Variants in CPB1 observed in about 807,000 individuals in gnomAD.
The protein encoded by CPB1 is carboxypeptidase B.
Under a neutral mutation model 51.4 loss-of-function variants are expected in CPB1, and 53 were observed. That is an observed-to-expected ratio of 1.03 (90% confidence interval 0.83 to 1.30). CPB1 has a LOEUF of 1.30. CPB1 is among the 50% of genes most tolerant of loss of function. CPB1 has a pLI of 0.00. For synonymous variants in CPB1, 189 were observed against 186.9 expected, an observed-to-expected ratio of 1.01 and a Z score of -0.09; for missense variants, 494 against 516.2, an observed-to-expected ratio of 0.96 and a Z score of 0.42.
intron 8 of CPB1, among the ~76,000 whole-genome samples, chr3:148,844,972 A>T (rs1050578968): frequency 2.6e-5 from 4 of 152,074 alleles, no homozygotes; most frequent in African/African-American, 4.8e-5. Flanking sequence ...GCTGTGCTAG[A>T]TGCTGAAAAT....
intron 3 of CPB1, chr3:148,838,043 T>C (rs1040523797): frequency 6.6e-6 from 1 of 152,198 alleles, no homozygotes; most frequent in Admixed American, 6.6e-5. Flanking sequence ...GGTCAGGAGA[T>C]CGAGACCATC....
rs116562121 is a variant in CPB1, at chr3:148,843,331, A to T, written c.577-1147A>T. On this transcript the variant is annotated intron_variant, in intron 6 of 10. Transcript: ENST00000282957. ...TCTTCTGTACGTCTAAAATTATTTCAAATTTAAAAGTTGAAAACATTGAAG... is the reference window on the plus strand; with the variant it reads ...TCTTCTGTACGTCTAAAATTATTTCTAATTTAAAAGTTGAAAACATTGAAG... Among the ~76,000 whole-genome samples, 929 of 152,174 alleles carry T rather than the reference A, an allele frequency of 6.1e-3. 13 individuals carry two copies. The highest frequency in any genetic ancestry group is 0.021 in the African/African-American group (879 of 41,542).
intron 2 of CPB1, among the ~76,000 whole-genome samples, chr3:148,832,950 CAT>C (rs1712784804): frequency 6.6e-6 from 1 of 152,172 alleles, no homozygotes; most frequent in South Asian, 2.1e-4. Flanking sequence ...ATAATAAAGA[CAT>C]ATCTCTCTCT....
At chr3:148,842,891 T>C (rs1713127809) in intron 6 of CPB1, among the ~76,000 whole-genome samples, 1 of 152,208 alleles carries the variant, frequency 6.6e-6, no homozygotes. Flanking sequence ...AAAAGACATA[T>C]CACCTTTGTG....
intron 10 of CPB1, among the ~76,000 whole-genome samples, chr3:148,858,368 C>G (rs1338349285): frequency 1.3e-5 from 2 of 151,938 alleles, no homozygotes; most frequent in African/African-American, 4.8e-5. Context: ...ATCAGGAGCT[C>G]GAGACCAGCC....
rs755339841 is a variant in CPB1, at chr3:148,844,635, C to G, written c.688-42C>G. 5.0e-6 allele frequency: 8 copies of G among 1,611,982 alleles called. No individual in the cohort carries two copies. In the Admixed American group the frequency reaches 1.0e-4, roughly 20 times the overall value. On this transcript the variant is annotated intron_variant, in intron 7 of 10. Coordinates refer to ENST00000282957, the MANE Select transcript of CPB1 (RefSeq NM_001871.3). ...GAGGCTGATGAAATTAAAACCAACG[C>G]CTCTCTATTATATTTGTCCTAACTA... is the stretch of plus-strand genomic sequence containing the variant.
chr3:148,829,148 A>G (rs912685983), intron 2 of CPB1, among the ~76,000 whole-genome samples: 3 of 152,194 alleles, frequency 2.0e-5, no homozygotes, highest in East Asian at 1.9e-4. Context: ...TGAGTCAAAT[A>G]TCATGTTACC....
chr3:148,837,480 GAAAAAAA>G (rs35691600), intron 3 of CPB1, among the ~76,000 whole-genome samples: 8 of 95,672 alleles, frequency 8.4e-5, no homozygotes, highest in South Asian at 3.7e-4. Flanking sequence ...TTGTGTGTTA[GAAAAAAA>G]AAAAAAAAAA....
At chr3:148,858,362 G>A (rs900013852) in intron 10 of CPB1, among the ~76,000 whole-genome samples, 1 of 152,076 alleles carries the variant, frequency 6.6e-6, no homozygotes, top group African/African-American at 2.4e-5. Flanking sequence ...CCCGAGATCA[G>A]GAGCTCGAGA....
intron 9 of CPB1, among the ~76,000 whole-genome samples, chr3:148,852,921 A>G (rs1713473094): frequency 6.6e-6 from 1 of 152,116 alleles, no homozygotes; most frequent in Non-Finnish European, 1.5e-5. Flanking sequence ...CCTTTTTCTC[A>G]AAACATATTT....
chr3:148,846,797 G>GTATATATATATATA (rs368201293), intron 9 of CPB1, among the ~76,000 whole-genome samples: 2 of 50,526 alleles, frequency 4.0e-5, no homozygotes, highest in African/African-American at 5.6e-5. Context: ...GTGTGCGTGT[G>GTATATATATATATA]TATATATATA....
chr3:148,856,563 C>T (rs1182370773), intron 9 of CPB1: 1 of 152,168 alleles, frequency 6.6e-6, no homozygotes, highest in African/African-American at 2.4e-5. Context: ...TGAATTATGG[C>T]TAATTCTCCT....
At chr3:148,848,563 G>C (rs1713324759) in intron 9 of CPB1, among the ~76,000 whole-genome samples, 1 of 152,044 alleles carries the variant, frequency 6.6e-6, no homozygotes, top group South Asian at 2.1e-4. Context: ...AATAAGACTA[G>C]ACTAAAGGAA....
At chr3:148,843,630 A>G (rs1186755239) in intron 6 of CPB1, among the ~76,000 whole-genome samples, 3 of 152,094 alleles carry the variant, frequency 2.0e-5, no homozygotes, top group East Asian at 3.9e-4. Flanking sequence ...GTAATATTGT[A>G]ATTAATTTAT....
At chr3:148,859,242 G>C (rs527458208) in intron 10 of CPB1, among the ~76,000 whole-genome samples, 17 of 152,192 alleles carry the variant, frequency 1.1e-4, no homozygotes, top group Non-Finnish European at 2.5e-4. Flanking sequence ...TGAAAAAACA[G>C]ATGAGTGAAT....
At chr3:148,840,106 A>G (rs1713031781) in intron 3 of CPB1, among the ~76,000 whole-genome samples, 1 of 152,220 alleles carries the variant, frequency 6.6e-6, no homozygotes. Context: ...ACAAGCAAAT[A>G]GAAACTAGTT....
intron 3 of CPB1, among the ~76,000 whole-genome samples, chr3:148,835,775 T>C (rs938106163): frequency 8.6e-5 from 13 of 151,852 alleles, no homozygotes; most frequent in Non-Finnish European, 1.9e-4. Context: ...ATGTAGCCTA[T>C]ATAATTTTAA....
At chr3:148,852,429 C>T (rs574162035) in intron 9 of CPB1, among the ~76,000 whole-genome samples, 118 of 152,258 alleles carry the variant, frequency 7.7e-4, no homozygotes, top group African/African-American at 2.7e-3. Context: ...GCCCTCCCAT[C>T]CCCAACAAAT....
intron 9 of CPB1, among the ~76,000 whole-genome samples, chr3:148,853,520 T>TA (rs899015039): frequency 5.3e-5 from 8 of 152,216 alleles, no homozygotes; most frequent in African/African-American, 1.9e-4. Context: ...TCTTTTGCTC[T>TA]AGGACCAAGG....
Sources: gnomAD v4.1 joint callset for allele counts (sites outside exome capture counted in the v4.1 genomes callset) on GRCh38, gnomAD v4.1.1 for gene constraint, MANE v1.5 for transcripts, NCBI Gene and HGNC (gene_info 2026-07-23, HGNC 2026-07-21) for gene names.